The following PPM1L variants were observed in gnomAD, a reference collection of about 807,000 sequenced individuals.
PPM1L encodes protein phosphatase 1L.
Under a neutral mutation model 31.4 loss-of-function variants are expected in PPM1L, and 13 were observed. That is an observed-to-expected ratio of 0.41 (90% CI 0.27 to 0.66). The LOEUF (loss-of-function observed/expected upper bound fraction) is 0.66. Ranked by LOEUF, PPM1L falls within the 30% of genes least tolerant of loss-of-function variation. PPM1L has a pLI of 0.29. For synonymous variants in PPM1L, 184 were observed against 175.4 expected, an observed-to-expected ratio of 1.05 and a Z score of -0.39; for missense variants, 326 against 453.7, an observed-to-expected ratio of 0.72 and a Z score of 2.56.
chr3:161,010,351 A>G (rs1051105624), intron 2 of PPM1L, among the ~76,000 whole-genome samples: 3 of 152,166 alleles, frequency 2.0e-5, no homozygotes, highest in Non-Finnish European at 2.9e-5. Context: ...TTATGGCTGC[A>G]TAGTATTCCA....
chr3:160,773,963 G>A (rs1346726333), intron 1 of PPM1L, among the ~76,000 whole-genome samples: 1 of 152,132 alleles, frequency 6.6e-6, no homozygotes. Flanking sequence ...TGCTCAGTGT[G>A]CTGGTCTCAT....
At chr3:161,031,829 C>G (rs2108080686) in intron 2 of PPM1L, among the ~76,000 whole-genome samples, 1 of 152,194 alleles carries the variant, frequency 6.6e-6, no homozygotes, top group East Asian at 1.9e-4. Flanking sequence ...GCAGCAACAC[C>G]AGCAGTCCAT....
At chr3:160,944,594 T>C (rs1715261601) in intron 1 of PPM1L, among the ~76,000 whole-genome samples, 1 of 148,450 alleles carries the variant, frequency 6.7e-6, no homozygotes, top group African/African-American at 2.5e-5. Flanking sequence ...AAATCAGAGC[T>C]ATTTCAAGGT....
Position 161,070,615 on chromosome 3 carries a change from T to C in PPM1L, c.*1458T>C, listed in dbSNP as rs578245540. 1 of 152,240 alleles carries C rather than the reference T, an allele frequency of 6.6e-6. No homozygotes were observed. Among genetic ancestry groups the C allele is most frequent in the Non-Finnish European group, 1.5e-5 (1 of 68,048 alleles). 9.4% of individuals were successfully genotyped at this position (152,240 alleles called of 1,614,324 possible). On this transcript the variant is annotated 3_prime_UTR_variant, in exon 4 of 4. Coordinates refer to ENST00000498165, the MANE Select transcript of PPM1L (RefSeq NM_139245.4). ...AGAGAAAATGCTGGGTCACTCTCTT[T>C]GCCTAAGGTGACTCAAACAGCCAAA...
chr3:161,044,268 G>C (rs1718992070), intron 2 of PPM1L, among the ~76,000 whole-genome samples: 1 of 152,076 alleles, frequency 6.6e-6, no homozygotes, highest in South Asian at 2.1e-4. Flanking sequence ...TTGAACTCCT[G>C]ACCTCAAATG....
rs149088007 is a variant in PPM1L, at chr3:160,918,011, C to T, written c.400-43725C>T. ...GTTCCTTGCCCTAATGCCTTTGTGC[C>T]CTCCCTCTCCCCAGCTGCACATGCA... On this transcript the variant is annotated intron_variant, in intron 1 of 3. Transcript: ENST00000498165. 2.6e-3 allele frequency among the ~76,000 whole-genome samples: 400 copies of T among 152,250 alleles called. 1 individual carries two copies. The highest frequency in any genetic ancestry group is 9.3e-3 in the African/African-American group (385 of 41,552).
At chr3:161,026,712 AG>A (rs1718406006) in intron 2 of PPM1L, among the ~76,000 whole-genome samples, 1 of 143,822 alleles carries the variant, frequency 7.0e-6, no homozygotes, top group Non-Finnish European at 1.5e-5. Context: ...AAAAAAAAAA[AG>A]AAAATTGACA....
intron 1 of PPM1L, among the ~76,000 whole-genome samples, chr3:160,804,648 A>G (rs1310254170): frequency 6.6e-6 from 1 of 152,186 alleles, no homozygotes; most frequent in African/African-American, 2.4e-5. Context: ...TTTTCCCTAA[A>G]CAAATCTATT....
chr3:160,959,219 T>A (rs2108105832), intron 1 of PPM1L, among the ~76,000 whole-genome samples: 1 of 152,296 alleles, frequency 6.6e-6, no homozygotes, highest in East Asian at 1.9e-4. Flanking sequence ...ATATCATAAA[T>A]TCTCACTTAT....
intron 2 of PPM1L, among the ~76,000 whole-genome samples, chr3:160,995,393 T>A (rs545827184): frequency 1.3e-5 from 2 of 152,152 alleles, no homozygotes; most frequent in South Asian, 4.1e-4. Context: ...CAATCTCGAC[T>A]TACTGCAACC....
At chr3:160,867,584 T>C (rs1326676519) in intron 1 of PPM1L, among the ~76,000 whole-genome samples, 1 of 152,188 alleles carries the variant, frequency 6.6e-6, no homozygotes, top group East Asian at 1.9e-4. Flanking sequence ...AAAATTTTGT[T>C]CTGAATTATA....
chr3:160,814,583 AC>A (rs1712919611), intron 1 of PPM1L, among the ~76,000 whole-genome samples: 1 of 114,852 alleles, frequency 8.7e-6, no homozygotes, highest in Non-Finnish European at 2.0e-5. Context: ...GTATATATAT[AC>A]ACACACATAT....
chr3:161,046,043 G>A (rs1243542920), intron 2 of PPM1L, among the ~76,000 whole-genome samples: 20 of 142,114 alleles, frequency 1.4e-4, no homozygotes, highest in South Asian at 6.8e-4. Flanking sequence ...CCCAGGAGGC[G>A]GAGGTTGCAG....
At chr3:160,854,668 T>C (rs1249622236) in intron 1 of PPM1L, among the ~76,000 whole-genome samples, 1 of 151,624 alleles carries the variant, frequency 6.6e-6, no homozygotes, top group Admixed American at 6.6e-5. Context: ...AGGTAAAAGA[T>C]TTCAATGAGA....
At chr3:160,781,757 A>T (rs1469624754) in intron 1 of PPM1L, among the ~76,000 whole-genome samples, 1 of 152,230 alleles carries the variant, frequency 6.6e-6, no homozygotes, top group Non-Finnish European at 1.5e-5. Flanking sequence ...AGCTTCTCAG[A>T]GGAAGCCTAA....
chr3:160,929,113 A>G (rs1714697646), intron 1 of PPM1L, among the ~76,000 whole-genome samples: 1 of 152,110 alleles, frequency 6.6e-6, no homozygotes, highest in Admixed American at 6.5e-5. Context: ...TCATCTAGTA[A>G]CCAGTGAATT....
intron 1 of PPM1L, among the ~76,000 whole-genome samples, chr3:160,862,949 C>A (rs1230042999): frequency 3.9e-5 from 6 of 152,014 alleles, no homozygotes; most frequent in Non-Finnish European, 8.8e-5. Flanking sequence ...ATCAAACTGC[C>A]ATTTTCTTTG....
chr3:160,811,388 G>A (rs1338703548), intron 1 of PPM1L, among the ~76,000 whole-genome samples: 1 of 152,238 alleles, frequency 6.6e-6, no homozygotes, highest in Non-Finnish European at 1.5e-5. Context: ...CTAACATAGG[G>A]CTTGACAAAC....
intron 1 of PPM1L, among the ~76,000 whole-genome samples, chr3:160,797,955 G>A (rs1263733971): frequency 6.6e-6 from 1 of 152,146 alleles, no homozygotes; most frequent in Non-Finnish European, 1.5e-5. Context: ...CAAGGCGGGC[G>A]GATCATGAGG....
Sources: gnomAD v4.1 joint callset for allele counts (sites outside exome capture counted in the v4.1 genomes callset) on GRCh38, gnomAD v4.1.1 for gene constraint, MANE v1.5 for transcripts, NCBI Gene and HGNC (gene_info 2026-07-23, HGNC 2026-07-21) for gene names.